Variants in PPP2R5C observed in about 807,000 individuals in gnomAD.
The protein encoded by PPP2R5C is protein phosphatase 2 regulatory subunit B'gamma, also known as serine/threonine-protein phosphatase 2A 56 kDa regulatory subunit gamma isoform.
PPP2R5C carries 7 observed loss-of-function variants against 68.9 expected under a neutral mutation model. The ratio of observed to expected loss-of-function variants is 0.10; its 90% CI spans 0.06 to 0.19. The LOEUF is 0.19. Ranked by LOEUF, PPP2R5C falls within the 10% of genes least tolerant of loss-of-function variation. The probability of loss-of-function intolerance (pLI) is 1.00; values close to 1 mark genes in which losing one functional copy is unlikely to be tolerated. For synonymous variants in PPP2R5C, 210 were observed against 222.2 expected (o/e 0.95, Z 0.49); for missense variants, 348 against 641.3 (o/e 0.54, Z 4.94).
intron 1 of PPP2R5C, among the ~76,000 whole-genome samples, chr14:101,848,537 C>CA (rs534732392): frequency 0.015 from 2,044 of 136,758 alleles, 35 homozygotes; most frequent in South Asian, 0.06. Context: ...GACTCTGTCT[C>CA]AAAAAAAAAA....
Position 101,886,276 on chromosome 14 carries a change from G to A in PPP2R5C, c.629+2714G>A, listed in dbSNP as rs866044957. ...AGCCTGGGCGACAGAGCAAGACTCC[G>A]TCTCAAAAAAAAAAAAAAAAAGTAG... On this transcript the variant is annotated intron_variant, in intron 5 of 13. Transcript: ENST00000334743. 3.5e-4 allele frequency among the ~76,000 whole-genome samples: 45 copies of A among 129,916 alleles called. No homozygotes were observed. In the South Asian group the frequency reaches 6.0e-3, roughly 17 times the overall value. The allele number at this position is 129,916 out of a possible 152,430, so 85.2% of individuals were successfully genotyped here.
intron 1 of PPP2R5C, among the ~76,000 whole-genome samples, chr14:101,853,709 GCCTTAGGCAAGCTGTGTT>G (rs1411803169): frequency 1.3e-5 from 2 of 152,138 alleles, no homozygotes; most frequent in South Asian, 4.1e-4. Flanking sequence ...TAGCACCGTG[GCCTTAGGCAAGCTGTGTT>G]GGCTCTCGTA....
rs2720207 is a variant in PPP2R5C at position 101,883,570 on chromosome 14, A to G, written c.629+8A>G. The G allele has an allele frequency of 0.22, 355,416 of 1,610,530 alleles. 50,969 individuals carry two copies. Among genetic ancestry groups the G allele is most frequent in the African/African-American group, 0.73 (54,805 of 74,720 alleles). Reference sequence around the variant, plus strand: ...AAATAATATATTTTATAGGTAAGTCACGTGTGGATGGCGTTGTCCTTGTGT... The same window carrying G: ...AAATAATATATTTTATAGGTAAGTCGCGTGTGGATGGCGTTGTCCTTGTGT... On this transcript the variant is annotated splice_region_variant and intron_variant, in intron 5 of 13. Coordinates refer to ENST00000334743, the Ensembl canonical transcript of PPP2R5C.
rs902174776 is a variant in PPP2R5C at position 101,879,346 on chromosome 14, C to G, written c.295-2815C>G. 1 of 152,772 alleles carries G rather than the reference C, an allele frequency of 6.5e-6. No individual in the cohort carries two copies. Among genetic ancestry groups the G allele is most frequent in the Non-Finnish European group, 1.5e-5 (1 of 68,488 alleles). The allele number at this position is 152,772 out of a possible 1,614,324, so 9.5% of individuals were successfully genotyped here. On this transcript the variant is annotated intron_variant, in intron 2 of 13. Coordinates refer to ENST00000334743, the Ensembl canonical transcript of PPP2R5C. This position sits in a 1 kb window ranked among gnomAD's most constrained non-coding sequence, Gnocchi z 4.2. ...ACGGCTGTTTCCTCTCCCCCAAGACCTACAGCCTCGTCTCTGGGTGAGCTG... is the reference window on the plus strand; with the variant it reads ...ACGGCTGTTTCCTCTCCCCCAAGACGTACAGCCTCGTCTCTGGGTGAGCTG...
rs1262177321 is a variant in PPP2R5C, at chr14:101,825,594, G to A, written c.94+15558G>A. Among the ~76,000 whole-genome samples the A allele has an allele frequency of 6.6e-6, 1 of 152,114 alleles. No homozygotes were observed. The highest frequency in any genetic ancestry group is 2.4e-5 in the African/African-American group (1 of 41,400). ...AGTCACCACTCCACCTCCTAGCCAG[G>A]GTGTCACTCCAATTCCATCATTCAG... On this transcript the variant is annotated intron_variant, in intron 1 of 13. Coordinates refer to ENST00000334743, the Ensembl canonical transcript of PPP2R5C. This position sits in a 1 kb window ranked among gnomAD's most constrained non-coding sequence, Gnocchi z 4.0.
At chr14:101,773,849 A>G (rs1290692610) in intron 2 of PPP2R5C, among the ~76,000 whole-genome samples, 3 of 152,176 alleles carry the variant, frequency 2.0e-5, no homozygotes, top group Non-Finnish European at 2.9e-5. Flanking sequence ...GCACACCACC[A>G]TGCTCAGCTG....
intron 2 of PPP2R5C, among the ~76,000 whole-genome samples, chr14:101,868,836 C>T (rs892745501): frequency 1.1e-4 from 17 of 152,230 alleles, no homozygotes; most frequent in African/African-American, 3.4e-4. Flanking sequence ...GGCCAGTTCT[C>T]GGAACTTTGA....
At chr14:101,867,722 G>A (rs2043168510) in intron 2 of PPP2R5C, among the ~76,000 whole-genome samples, 1 of 151,778 alleles carries the variant, frequency 6.6e-6, no homozygotes, top group Admixed American at 6.6e-5. Context: ...AGGTTGCAGT[G>A]AGCCAAGATT....
intron 1 of PPP2R5C, chr14:101,843,823 T>C (rs2041647467): frequency 4.6e-6 from 1 of 219,714 alleles, no homozygotes; most frequent in Non-Finnish European, 9.4e-6. Flanking sequence ...CTGAAGAGTT[T>C]CACATCCTCC....
chr14:101,823,699 G>A (rs767831390), intron 1 of PPP2R5C: 40 of 968,856 alleles, frequency 4.1e-5, no homozygotes, highest in Non-Finnish European at 4.9e-5. Flanking sequence ...GAAGGAGCTG[G>A]TGACAGAGAC....
intron 3 of PPP2R5C, chr14:101,803,357 T>C (rs2140148762): frequency 6.6e-6 from 1 of 152,468 alleles, no homozygotes; most frequent in African/African-American, 2.4e-5. Flanking sequence ...GAAAACTGGA[T>C]ATTCATATGC....
chr14:101,907,523 CTGAG>C (rs1315992657), intron 10 of PPP2R5C, among the ~76,000 whole-genome samples: 1 of 152,122 alleles, frequency 6.6e-6, no homozygotes, highest in Non-Finnish European at 1.5e-5. Context: ...AGAAATACGA[CTGAG>C]TTTTTCTTTC....
chr14:101,792,844 C>A (rs771362747), intron 3 of PPP2R5C, among the ~76,000 whole-genome samples: 1 of 149,730 alleles, frequency 6.7e-6, no homozygotes, highest in Non-Finnish European at 1.5e-5. Context: ...CATTTAATAC[C>A]TTCTCTTCCC....
chr14:101,911,561 G>C, intron 11 of PPP2R5C, among the ~76,000 whole-genome samples: 1 of 152,128 alleles, frequency 6.6e-6, no homozygotes, highest in Non-Finnish European at 1.5e-5. Flanking sequence ...GACCTTAAAG[G>C]TTGTGTAGTA....
At chr14:101,922,220 G>T in intron 13 of PPP2R5C, 1 of 979,510 alleles carries the variant, frequency 1.0e-6, no homozygotes, top group Non-Finnish European at 1.2e-6. Context: ...CGGGCACAAT[G>T]GCAGATGCCT....
intron 9 of PPP2R5C, among the ~76,000 whole-genome samples, chr14:101,902,840 A>T (rs1487034856): frequency 6.6e-6 from 1 of 152,218 alleles, no homozygotes; most frequent in Non-Finnish European, 1.5e-5. Context: ...GTGATAGAAG[A>T]GTAAGAAGCT....
chr14:101,899,176 A>G lies in PPP2R5C; in HGVS notation c.853-2543A>G, dbSNP rs1394080413. Among the ~76,000 whole-genome samples, 1 of 152,250 alleles carries G rather than the reference A, an allele frequency of 6.6e-6. No individual in the cohort carries two copies. The highest frequency in any genetic ancestry group is 1.5e-5 in the Non-Finnish European group (1 of 68,050). On this transcript the variant is annotated intron_variant, in intron 8 of 13. Coordinates refer to ENST00000334743, the Ensembl canonical transcript of PPP2R5C. The surrounding 1 kb of genome is among the most constrained non-coding windows in gnomAD (Gnocchi z 4.2). ...CACTTTCTCTGTTGGAAGAATAACA[A>G]AAGCTCATCAGAGATTTTACAGAAG...
chr14:101,912,108 A>G (rs1566965176), intron 11 of PPP2R5C, among the ~76,000 whole-genome samples: 1 of 152,228 alleles, frequency 6.6e-6, no homozygotes, highest in South Asian at 2.1e-4. Context: ...TGTGGGTCCC[A>G]TGAAGAAACA....
intron 8 of PPP2R5C, among the ~76,000 whole-genome samples, chr14:101,898,142 C>CA (rs2045469620): frequency 6.6e-6 from 1 of 152,064 alleles, no homozygotes; most frequent in Admixed American, 6.6e-5. Context: ...TCCTGAGTGA[C>CA]AGAGTAAGAC....
Sources: gnomAD v4.1 joint callset for allele counts (sites outside exome capture counted in the v4.1 genomes callset) on GRCh38, gnomAD v4.1.1 for gene constraint, Gnocchi (gnomAD v3.1) non-coding constraint, MANE v1.5 for transcripts, NCBI Gene and HGNC (gene_info 2026-07-23, HGNC 2026-07-21) for gene names.